The following CD2AP variants were observed in gnomAD, a reference collection of about 807,000 sequenced individuals.
The protein encoded by CD2AP is CD2 associated protein.
CD2AP carries 46 observed loss-of-function variants against 85.1 expected under a neutral mutation model. That is an observed-to-expected ratio of 0.54 (90% CI 0.43 to 0.69). The LOEUF (loss-of-function observed/expected upper bound fraction) is 0.69, where lower values mean the gene tolerates loss of function less well. Among genes scored for constraint, CD2AP ranks in the 30% least tolerant of loss-of-function variants. CD2AP has a pLI of 0.00. For missense variants in CD2AP, 769 were observed against 729.5 expected (o/e 1.05, Z -0.62); for synonymous variants, 255 against 252.9 (o/e 1.01, Z -0.08).
intron 11 of CD2AP, among the ~76,000 whole-genome samples, chr6:47,593,465 C>G (rs1216386187): frequency 6.6e-6 from 1 of 151,858 alleles, no homozygotes; most frequent in Non-Finnish European, 1.5e-5. Flanking sequence ...TTTTTTATAA[C>G]AAGCATGTTT....
chr6:47,544,985 C>G (rs1391760464), intron 4 of CD2AP: 1 of 278,234 alleles, frequency 3.6e-6, no homozygotes, highest in East Asian at 7.1e-5. Context: ...TTACCATAGG[C>G]AAAAAGCAGT....
At chr6:47,488,025 CTT>C (rs35093088) in intron 1 of CD2AP, among the ~76,000 whole-genome samples, 9 of 127,570 alleles carry the variant, frequency 7.1e-5, no homozygotes, top group African/African-American at 1.2e-4. Flanking sequence ...GGATGAGATC[CTT>C]TTTTTTTTTT....
chr6:47,487,329 C>G (rs1765585451), intron 1 of CD2AP, among the ~76,000 whole-genome samples: 1 of 152,062 alleles, frequency 6.6e-6, no homozygotes, highest in Admixed American at 6.6e-5. Context: ...TTCTAAATTC[C>G]TATATGGATT....
chr6:47,552,677 C>T (rs910140855), intron 4 of CD2AP, among the ~76,000 whole-genome samples: 1 of 152,142 alleles, frequency 6.6e-6, no homozygotes, highest in Non-Finnish European at 1.5e-5. Context: ...TCAGTTGTTG[C>T]CAGTTGGGGT....
intron 2 of CD2AP, among the ~76,000 whole-genome samples, chr6:47,504,211 G>C (rs1484547448): frequency 1.3e-5 from 2 of 152,184 alleles, no homozygotes; most frequent in Non-Finnish European, 2.9e-5. Context: ...CTGTGTATTA[G>C]TTTTCTTACA....
chr6:47,505,929 G>T (rs1766149643), intron 2 of CD2AP, among the ~76,000 whole-genome samples: 1 of 105,920 alleles, frequency 9.4e-6, no homozygotes, highest in East Asian at 3.0e-4. Context: ...CCCGGACGGG[G>T]TGGCTGCCGG....
chr6:47,510,178 T>C (rs983083838), intron 2 of CD2AP, among the ~76,000 whole-genome samples: 1 of 152,228 alleles, frequency 6.6e-6, no homozygotes, highest in Non-Finnish European at 1.5e-5. Context: ...TATGAATTTA[T>C]GTTTAGTTAA....
At chr6:47,574,968 G>A (rs1562039388) in intron 6 of CD2AP, among the ~76,000 whole-genome samples, 1 of 151,992 alleles carries the variant, frequency 6.6e-6, no homozygotes, top group African/African-American at 2.4e-5. Context: ...TATTTGATTC[G>A]TGTAGCTACA....
In CD2AP at chr6:47,478,194, A is replaced by C; in HGVS notation, c.-51A>C. 2 of 1,554,380 alleles carry C rather than the reference A, an allele frequency of 1.3e-6. No individual in the cohort carries two copies. The highest frequency in any genetic ancestry group is 1.9e-5 in the Admixed American group (1 of 52,162). On this transcript the variant is annotated 5_prime_UTR_variant, in exon 1 of 18. Transcript: ENST00000359314. ...GAGCGGCCGCGCGAGCCACCACTGG[A>C]GGAGGAGGAGGAGGAGCGGACGTCG...
chr6:47,606,530 T>G (rs1769277239), intron 14 of CD2AP, among the ~76,000 whole-genome samples: 3 of 151,956 alleles, frequency 2.0e-5, no homozygotes. Flanking sequence ...GGTCAAAGGG[T>G]GACAAAGAAA....
intron 3 of CD2AP, 131 bp downstream of exon 3, chr6:47,533,886 T>TA: frequency 1.2e-6 from 1 of 826,780 alleles, no homozygotes; most frequent in Non-Finnish European, 1.9e-6. Flanking sequence ...AGTCTCATGT[T>TA]ACTAGTTATT....
intron 17 of CD2AP, among the ~76,000 whole-genome samples, chr6:47,622,622 G>A (rs1194504640): frequency 1.3e-5 from 2 of 152,172 alleles, no homozygotes; most frequent in African/African-American, 2.4e-5. Context: ...CTCCAGTGCG[G>A]GGTGTGTGTT....
Position 47,532,950 on chromosome 6 carries a change from ATTT to A in CD2AP, c.166-650_166-648del, listed in dbSNP as rs763158989. Among the ~76,000 whole-genome samples, 234 of 152,218 alleles carry A rather than the reference ATTT, an allele frequency of 1.5e-3. 1 individual carries two copies. The highest frequency in any genetic ancestry group is 2.3e-3 in the Non-Finnish European group (159 of 68,008). On this transcript the variant is annotated intron_variant, in intron 2 of 17. Transcript: ENST00000359314. The stretch of plus-strand genomic sequence containing the variant: ...TTTTCCATGATGGTTCACATGTCTT[ATTT>A]TATAGCCATGACTTAGATCAGGGGC...
chr6:47,555,869 G>A (rs1447719487), intron 5 of CD2AP, among the ~76,000 whole-genome samples: 1 of 129,442 alleles, frequency 7.7e-6, no homozygotes, highest in Non-Finnish European at 1.8e-5. Context: ...TGTTTGCAGC[G>A]TCATAGGTTG....
chr6:47,601,493 G>A (rs909275895), intron 13 of CD2AP, among the ~76,000 whole-genome samples: 11 of 152,058 alleles, frequency 7.2e-5, no homozygotes, highest in South Asian at 6.2e-4. Flanking sequence ...TTAACTGTCA[G>A]ATTATTCACT....
chr6:47,533,636 G>T lies in CD2AP; in HGVS notation c.200G>T (p.Ser67Ile). The T allele has an allele frequency of 6.2e-7, 1 of 1,613,980 alleles. No individual in the cohort carries two copies. The highest frequency in any genetic ancestry group is 8.5e-7 in the Non-Finnish European group (1 of 1,179,940). Residue 67 changes from serine to isoleucine, a missense_variant, in exon 3 of 18, where the codon AGT becomes ATT. Physicochemically the swap from Ser to Ile is moderately radical, Grantham distance 142 (BLOSUM62 -2). Coordinates refer to ENST00000359314, the MANE Select transcript of CD2AP (RefSeq NM_012120.3). ...AGAGAGACGGAATTCAAGGATGACAGTTTGCCCATCAAACGGGAAAGGCAT... is the reference window on the plus strand; with the variant it reads ...AGAGAGACGGAATTCAAGGATGACATTTTGCCCATCAAACGGGAAAGGCAT... ...IKRETEFKDD[S>I]LPIKRERHGN...
chr6:47,602,140 G>A (rs9367288), intron 13 of CD2AP, among the ~76,000 whole-genome samples: 51,474 of 151,544 alleles, frequency 0.34, 9,506 homozygotes, highest in Middle Eastern at 0.52. Flanking sequence ...ATATGTAAAC[G>A]TTTATGTGTA....
At chr6:47,513,309 T>C (rs928102742) in intron 2 of CD2AP, among the ~76,000 whole-genome samples, 4 of 152,216 alleles carry the variant, frequency 2.6e-5, no homozygotes, top group South Asian at 4.1e-4. Context: ...TTTTTTGTTT[T>C]ACATTTTTAA....
chr6:47,515,230 AGCATGG>A (rs1462552597), intron 2 of CD2AP, among the ~76,000 whole-genome samples: 1 of 152,166 alleles, frequency 6.6e-6, no homozygotes, highest in Non-Finnish European at 1.5e-5. Context: ...TAAGACTAAA[AGCATGG>A]GTTAAAGTAG....
Sources: gnomAD v4.1 joint callset for allele counts (sites outside exome capture counted in the v4.1 genomes callset) on GRCh38, gnomAD v4.1.1 for gene constraint, MANE v1.5 for transcripts, NCBI Gene and HGNC (gene_info 2026-07-23, HGNC 2026-07-21) for gene names.